MIX23: variants seen among roughly 807,000 people sequenced by gnomAD.
MIX23 encodes the protein protein MIX23.
In MIX23, 13 loss-of-function variants were observed where a neutral mutation model predicts 21.6. That is an observed-to-expected ratio of 0.60 (90% CI 0.39 to 0.96). MIX23 has a LOEUF of 0.96. MIX23 is among the 40% of genes least tolerant of loss of function. The probability of loss-of-function intolerance (pLI) is 0.00; values close to 1 mark genes in which losing one functional copy is unlikely to be tolerated. For missense variants in MIX23, 144 were observed against 171.2 expected (o/e 0.84, Z 0.89); for synonymous variants, 59 against 58.0 (o/e 1.02, Z -0.08).
intron 3 of MIX23, among the ~76,000 whole-genome samples, chr3:122,367,288 G>C (rs1275548531): frequency 2.0e-5 from 3 of 152,036 alleles, no homozygotes; most frequent in Non-Finnish European, 4.4e-5. Context: ...CAACTTTTTG[G>C]TAAGTTTGAA....
Position 122,366,046 on chromosome 3 carries a change from C to T in MIX23, c.324+2130G>A, listed in dbSNP as rs557597696. 3.9e-5 allele frequency among the ~76,000 whole-genome samples: 6 copies of T among 152,058 alleles called. No individual in the cohort carries two copies. The South Asian group carries it at 1.2e-3, about 32-fold the overall frequency. ...AAAAAAAATTAGCTGGACGTGGTGG[C>T]AGGCACCTGTAACCCCAGCTACTAG... On this transcript the variant is annotated intron_variant, in intron 3 of 4. Coordinates refer to ENST00000291458, the MANE Select transcript of MIX23 (RefSeq NM_001017928.4).
At chr3:122,376,161 C>T (rs1407239460) in intron 1 of MIX23, among the ~76,000 whole-genome samples, 10 of 96,242 alleles carry the variant, frequency 1.0e-4, no homozygotes, top group Non-Finnish European at 1.5e-4. Context: ...AGAGAGACTC[C>T]GTCTCAAAAA....
chr3:122,366,695 T>C (rs1383625654), intron 3 of MIX23: 9 of 152,082 alleles, frequency 5.9e-5, no homozygotes, highest in Admixed American at 5.9e-4. Flanking sequence ...TCCTAGCACT[T>C]TGGGAGGCTG....
chr3:122,362,837 TTGTAAATGTAAACGAG>T (rs1311883284), intron 4 of MIX23, 115 bp downstream of exon 4: 2 of 331,860 alleles, frequency 6.0e-6, no homozygotes, highest in Non-Finnish European at 1.1e-5. Context: ...CAATCCTCAA[TTGTAAATGTAAACGAG>T]TGATCTCTAC....
chr3:122,370,456 C>CAAAAA (rs10660235), intron 2 of MIX23, among the ~76,000 whole-genome samples: 55 of 48,220 alleles, frequency 1.1e-3, no homozygotes, highest in East Asian at 5.6e-3. Context: ...GACACTGTCT[C>CAAAAA]AAAAAAAAAA....
At position 122,370,085 on chromosome 3, in the gene MIX23, G is replaced by A. The variant is rs1354603917; in HGVS notation, c.177+1590C>T. ...GTATACAAAACACTTAGTACTGTAA[G>A]CACTTTATAATTCAATGCGCCAACA... On this transcript the variant is annotated intron_variant, in intron 2 of 4. Coordinates refer to ENST00000291458, the MANE Select transcript of MIX23 (RefSeq NM_001017928.4). Among the ~76,000 whole-genome samples, 3 of 152,238 alleles carry A rather than the reference G, an allele frequency of 2.0e-5. No individual in the cohort carries two copies. The East Asian group carries it at 5.8e-4, about 29-fold the overall frequency.
At chr3:122,375,816 C>A (rs1262069598) in intron 1 of MIX23, among the ~76,000 whole-genome samples, 1 of 152,034 alleles carries the variant, frequency 6.6e-6, no homozygotes, top group African/African-American at 2.4e-5. Flanking sequence ...AACAGAACTA[C>A]CATTTGACCC....
chr3:122,382,538 A>C (rs1301914966), intron 1 of MIX23, among the ~76,000 whole-genome samples: 1 of 152,230 alleles, frequency 6.6e-6, no homozygotes, highest in Non-Finnish European at 1.5e-5. Context: ...ACTGAATTGG[A>C]ACAGATAACT....
chr3:122,368,948 T>C (rs1307606227), intron 2 of MIX23, among the ~76,000 whole-genome samples: 1 of 152,262 alleles, frequency 6.6e-6, no homozygotes, highest in Non-Finnish European at 1.5e-5. Flanking sequence ...TGTGTGCTTA[T>C]TGAAATTAAG....
At chr3:122,368,417 C>G (rs1030595882) in intron 2 of MIX23, 95 bp from the exon 3 acceptor site, 2 of 1,220,716 alleles carry the variant, frequency 1.6e-6, no homozygotes, top group Admixed American at 6.1e-5. Flanking sequence ...TATAGAAATT[C>G]AATACTTTCT....
rs1055058056 is a variant in MIX23 at position 122,368,062 on chromosome 3, A to T, written c.324+114T>A. The T allele has an allele frequency of 2.0e-5, 18 of 880,186 alleles. No homozygotes were observed. The African/African-American group carries it at 2.7e-4, about 13-fold the overall frequency. The allele number at this position is 880,186 out of a possible 1,614,324, so 54.5% of individuals were successfully genotyped here. On this transcript the variant is annotated intron_variant, in intron 3 of 4. Transcript: ENST00000291458. ...AAAATGAAGCACTAATCTCTTGATCATTTTTTTAAGTAACTGCCATATTAT... is the reference window on the plus strand; with the variant it reads ...AAAATGAAGCACTAATCTCTTGATCTTTTTTTTAAGTAACTGCCATATTAT...
chr3:122,373,454 T>G (rs1354758447), intron 1 of MIX23, among the ~76,000 whole-genome samples: 2 of 152,058 alleles, frequency 1.3e-5, no homozygotes, highest in Admixed American at 1.3e-4. Flanking sequence ...TGTATATTTT[T>G]GTAGAGAGAG....
Position 122,371,786 on chromosome 3 carries a change from C to A in MIX23, c.66G>T (p.Val22=). 1 of 1,600,960 alleles carries A rather than the reference C, an allele frequency of 6.2e-7. No individual in the cohort carries two copies. Among genetic ancestry groups the A allele is most frequent in the Non-Finnish European group, 8.6e-7 (1 of 1,168,588 alleles). The change falls in exon 2 of 5, where the codon GTG becomes GTT. Residue 22 remains valine, a synonymous_variant. Transcript: ENST00000291458. ...EFAEFQELLK[V]MRTIDDRIVH... is the part of the protein sequence containing the mutation. ...CTATTCTGTCATCAATTGTCCTCAT[C>A]ACCTTGAGTAATTCCTATATGTATT...
At chr3:122,360,741 T>TA (rs1300588390) in intron 4 of MIX23, among the ~76,000 whole-genome samples, 5 of 151,200 alleles carry the variant, frequency 3.3e-5, no homozygotes, top group East Asian at 1.9e-4. Flanking sequence ...CTTTTTAGGT[T>TA]AAAAAAAAAC....
At chr3:122,373,275 AG>A (rs1208904359) in intron 1 of MIX23, among the ~76,000 whole-genome samples, 51 of 148,496 alleles carry the variant, frequency 3.4e-4, no homozygotes, top group Non-Finnish European at 6.9e-4. Context: ...ATGTCTTGAA[AG>A]TTTTTTTTTT....
At chr3:122,366,797 T>C (rs2075399963) in intron 3 of MIX23, 1 of 151,864 alleles carries the variant, frequency 6.6e-6, no homozygotes, top group Admixed American at 6.6e-5. Context: ...AAAAATAAGC[T>C]GGGTGTGGTG....
At chr3:122,364,625 A>C (rs372926204) in intron 3 of MIX23, among the ~76,000 whole-genome samples, 3 of 152,308 alleles carry the variant, frequency 2.0e-5, no homozygotes, top group South Asian at 2.1e-4. Flanking sequence ...AACTGTCCAA[A>C]AGAGAATACC....
chr3:122,380,570 A>G (rs1308210501), intron 1 of MIX23, among the ~76,000 whole-genome samples: 2 of 152,200 alleles, frequency 1.3e-5, no homozygotes, highest in African/African-American at 4.8e-5. Context: ...ATGCATGTTG[A>G]AGTGCTGGGG....
At chr3:122,369,886 A>C (rs1490856414) in intron 2 of MIX23, among the ~76,000 whole-genome samples, 1 of 152,200 alleles carries the variant, frequency 6.6e-6, no homozygotes, top group Non-Finnish European at 1.5e-5. Flanking sequence ...GGTAGCTGGG[A>C]CTATAGGCGC....
Sources: allele counts gnomAD v4.1 joint callset (sites outside exome capture counted in the v4.1 genomes callset), GRCh38; gene constraint gnomAD v4.1.1; transcripts MANE v1.5; gene names NCBI Gene and HGNC (gene_info 2026-07-23, HGNC 2026-07-21).